Variants in KRT31 observed in about 807,000 individuals in gnomAD.
The protein encoded by KRT31 is keratin, type I cuticular Ha1.
In KRT31, 27 loss-of-function variants were observed where a neutral mutation model predicts 40.8. The observed-to-expected ratio is 0.66, with a 90% CI of 0.49 to 0.91. The LOEUF (loss-of-function observed/expected upper bound fraction) is 0.91. Ranked by LOEUF, KRT31 falls within the 40% of genes least tolerant of loss-of-function variation. The pLI, the probability that KRT31 is intolerant of heterozygous loss-of-function variation, is 0.00. For missense variants in KRT31, 510 were observed against 544.1 expected (o/e 0.94, Z 0.62); for synonymous variants, 231 against 231.9 (o/e 1.00, Z 0.03).
At chr17:41,396,859 C>G in intron 2 of KRT31, 54 bp downstream of exon 2, 1 of 1,418,892 alleles carries the variant, frequency 7.0e-7, no homozygotes, top group Non-Finnish European at 1.0e-6. Context: ...AATCCCTTTT[C>G]TTTAAAGATT....
rs1267085302 is a variant in KRT31 at position 41,393,986 on chromosome 17, C to T, written c.*30G>A. Reference sequence around the variant, plus strand: ...CACAGCTCTGGAGTCCTGGGCCCTGCATCCTTGCTCCTCTGGCATTCCCTA... The same window carrying T: ...CACAGCTCTGGAGTCCTGGGCCCTGTATCCTTGCTCCTCTGGCATTCCCTA... On this transcript the variant is annotated 3_prime_UTR_variant, in exon 7 of 7. Transcript: ENST00000251645. 6.2e-7 allele frequency: 1 copy of T among 1,608,472 alleles called. No individual in the cohort carries two copies. Among genetic ancestry groups the T allele is most frequent in the Admixed American group, 1.7e-5 (1 of 59,406 alleles).
Position 41,394,830 on chromosome 17 carries a change from G to A in KRT31, c.1097+18C>T, listed in dbSNP as rs112069991. The A allele has an allele frequency of 2.0e-4, 321 of 1,613,520 alleles. 2 individuals are homozygous for A. The African/African-American group carries it at 2.8e-3, about 14-fold the overall frequency. ...ACACGTGCATCATTTCATCAAACAC[G>A]TCTGCCCATGTACTCACTTGCAGTC... On this transcript the variant is annotated intron_variant, in intron 6 of 6. Coordinates refer to ENST00000251645, the MANE Select transcript of KRT31 (RefSeq NM_002277.3).
At chr17:41,395,920 A>G (rs1413182324) in intron 3 of KRT31, among the ~76,000 whole-genome samples, 2 of 151,684 alleles carry the variant, frequency 1.3e-5, no homozygotes, top group Non-Finnish European at 2.9e-5. Flanking sequence ...TCAGAATGCC[A>G]AAAAAAATAG....
intron 6 of KRT31, 134 bp downstream of exon 6, chr17:41,394,714 T>A: frequency 2.7e-6 from 4 of 1,467,862 alleles, no homozygotes; most frequent in Non-Finnish European, 3.7e-6. Flanking sequence ...CATATTATGT[T>A]GTCTGAGTTC....
Position 41,395,545 on chromosome 17 carries a change from GA to G in KRT31, c.666del (p.Arg223GlyfsTer3). ...EVDAAPTVDL[N>X]RVLNETRSQY... Reference sequence around the variant, plus strand: ...TGACTCCTGGTCTCGTTCAGCACCCGATTCAGGTCCACAGTGGGAGCAGCAT... The same window carrying G: ...TGACTCCTGGTCTCGTTCAGCACCCGTTCAGGTCCACAGTGGGAGCAGCAT... On this transcript the variant is annotated frameshift_variant, in exon 4 of 7. Transcript: ENST00000251645. LOFTEE classifies it high-confidence loss of function. 1 of 1,614,200 alleles carries G rather than the reference GA, an allele frequency of 6.2e-7. No homozygotes were observed. Among genetic ancestry groups the G allele is most frequent in the Non-Finnish European group, 8.5e-7 (1 of 1,180,030 alleles).
intron 3 of KRT31, 51 bp downstream of exon 3, chr17:41,396,369 C>A (rs1053132460): frequency 1.3e-6 from 2 of 1,578,188 alleles, no homozygotes; most frequent in African/African-American, 1.3e-5. Context: ...CTAAAGCAAC[C>A]CTGAGCCAGA....
intron 1 of KRT31, 37 bp from the exon 2 acceptor site, chr17:41,397,032 T>C (rs748376848): frequency 4.4e-6 from 7 of 1,589,662 alleles, no homozygotes; most frequent in Non-Finnish European, 4.3e-6. Context: ...GGACTGAAAA[T>C]AAATATGAAA....
rs1261129638 is a variant in KRT31 at position 41,396,426 on chromosome 17, AT to A, written c.581del (p.His194LeufsTer28). 6.2e-7 allele frequency: 1 copy of A among 1,613,740 alleles called. No individual in the cohort carries two copies. Among genetic ancestry groups the A allele is most frequent in the Admixed American group, 1.7e-5 (1 of 59,946 alleles). On this transcript the variant is annotated frameshift_variant, in exon 3 of 7. Transcript: ENST00000251645. LOFTEE classifies it high-confidence loss of function. ...KEELLCLKSN[H>X]EQEVNTLRCQ... ...TTCTCATTTCTAGTCTCACCTGCTC[AT>A]GGTTGCTCTTGAGGCAGAGCAGCTC... is the stretch of plus-strand genomic sequence containing the variant.
chr17:41,395,182 A>C, intron 5 of KRT31, 63 bp downstream of exon 5: 1 of 1,611,314 alleles, frequency 6.2e-7, no homozygotes. Flanking sequence ...GGCCCCAAGC[A>C]CATCCCCGGG....
chr17:41,397,304 C>G lies in KRT31; in HGVS notation c.236G>C (p.Arg79Pro), dbSNP rs762921339. Residue 79 changes from arginine (R) to proline (P), a missense_variant, in exon 1 of 7, where the codon CGG becomes CCG. Transcript: ENST00000251645. Reference protein sequence around the residue: ...SYLEKVRQLERDNAELENLIR... With the variant: ...SYLEKVRQLEPDNAELENLIR... ...GAGGTTCTCCAGCTCCGCGTTGTCCCGCTCCAGCTGACGCACTTTCTCCAG... is the reference window on the plus strand; with the variant it reads ...GAGGTTCTCCAGCTCCGCGTTGTCCGGCTCCAGCTGACGCACTTTCTCCAG... The G allele has an allele frequency of 3.1e-6, 5 of 1,614,058 alleles. No homozygotes were observed. The highest frequency in any genetic ancestry group is 4.2e-6 in the Non-Finnish European group (5 of 1,180,056).
At position 41,396,592 on chromosome 17, in the gene KRT31, G is replaced by T; in HGVS notation, c.432-16C>A. The stretch of plus-strand genomic sequence containing the variant: ...GGTCTGGTACCTGCGCAAGGACAGG[G>T]TCAGAGTACTACCTGGTAGATCTTC... On this transcript the variant is annotated splice_polypyrimidine_tract_variant and intron_variant, in intron 2 of 6. Transcript: ENST00000251645. 1.2e-6 allele frequency: 2 copies of T among 1,610,794 alleles called. No homozygotes were observed. The highest frequency in any genetic ancestry group is 1.7e-5 in the Admixed American group (1 of 59,716).
rs2018212663 is a variant in KRT31 at position 41,395,577 on chromosome 17, TC to T, written c.634del (p.Glu212ArgfsTer10). The T allele has an allele frequency of 1.2e-6, 2 of 1,614,208 alleles. No individual in the cohort carries two copies. The highest frequency in any genetic ancestry group is 4.5e-5 in the East Asian group (2 of 44,888). Reference sequence around the variant, plus strand: ...GTCCACAGTGGGAGCAGCATCCACCTCCACATTGAGGCGGTCTCCAAGCTGG... The same window carrying T: ...GTCCACAGTGGGAGCAGCATCCACCTCACATTGAGGCGGTCTCCAAGCTGG... ...RCQLGDRLNV[E>X]VDAAPTVDLN... On this transcript the variant is annotated frameshift_variant, in exon 4 of 7. Coordinates refer to ENST00000251645, the MANE Select transcript of KRT31 (RefSeq NM_002277.3). LOFTEE classifies it high-confidence loss of function.
intron 5 of KRT31, 58 bp downstream of exon 5, chr17:41,395,187 C>T: frequency 6.2e-7 from 1 of 1,611,768 alleles, no homozygotes; most frequent in Non-Finnish European, 8.5e-7. Flanking sequence ...CAAGCACATC[C>T]CCGGGACTCT....
rs890189029 is a variant in KRT31, at chr17:41,397,109, A to G, written c.348+83T>C. 6 of 1,584,314 alleles carry G rather than the reference A, an allele frequency of 3.8e-6. No individual in the cohort carries two copies. In the African/African-American group the frequency reaches 8.1e-5, roughly 21 times the overall value. On this transcript the variant is annotated intron_variant, in intron 1 of 6. Transcript: ENST00000251645. Reference sequence around the variant, plus strand: ...AAGAGGAAGCAAGAATTATGACAGCACAGAAGCAAGAAACACACTTCTCTA... The same window carrying G: ...AAGAGGAAGCAAGAATTATGACAGCGCAGAAGCAAGAAACACACTTCTCTA...
chr17:41,394,816 A>G (rs935561751), intron 6 of KRT31, 32 bp downstream of exon 6: 21 of 1,611,872 alleles, frequency 1.3e-5, no homozygotes, highest in Admixed American at 1.7e-5. Flanking sequence ...CACGTGCATC[A>G]TTTCATCAAA....
At position 41,395,480 on chromosome 17, in the gene KRT31, C is replaced by T. The variant is rs1404359209; in HGVS notation, c.732G>A (p.Glu244=). Residue 244 remains glutamate (E), a synonymous_variant, in exon 4 of 7, where the codon GAG becomes GAA. Transcript: ENST00000251645. Reference sequence around the variant, plus strand: ...TGCCCACCTGCGTGGTGAACCATTGCTCCACTTCCCTGCGGTTGGTTTCCA... The same window carrying T: ...TGCCCACCTGCGTGGTGAACCATTGTTCCACTTCCCTGCGGTTGGTTTCCA... ...ALVETNRREV[E]QWFTTQTEEL... 1.4e-5 allele frequency: 23 copies of T among 1,614,084 alleles called. No homozygotes were observed. The East Asian group carries it at 2.7e-4, about 19-fold the overall frequency.
chr17:41,394,789 TCTAA>T (rs768160718), intron 6 of KRT31, 55 bp downstream of exon 6: 121 of 1,603,770 alleles, frequency 7.5e-5, no homozygotes, highest in African/African-American at 7.5e-4. Context: ...TTGCATGGTG[TCTAA>T]CTGTTACACT....
Position 41,396,506 on chromosome 17 carries a change from C to T in KRT31, c.502G>A (p.Glu168Lys). ...DINGLRRILD[E>K]LTLCKSDLEA... Reference sequence around the variant, plus strand: ...AGGTCGGACTTGCACAGGGTCAGCTCATCCAGGATCCTGCGCAGACCGTTG... The same window carrying T: ...AGGTCGGACTTGCACAGGGTCAGCTTATCCAGGATCCTGCGCAGACCGTTG... The change falls in exon 3 of 7, where the codon GAG becomes AAG. Residue 168 changes from glutamate (E) to lysine (K), a missense_variant. Physicochemically the swap from Glu to Lys is moderately conservative, Grantham distance 56. Transcript: ENST00000251645. 1 of 1,614,210 alleles carries T rather than the reference C, an allele frequency of 6.2e-7. No homozygotes were observed. Among genetic ancestry groups the T allele is most frequent in the South Asian group, 1.1e-5 (1 of 91,084 alleles).
chr17:41,395,216 G>C (rs370933699), intron 5 of KRT31, 29 bp downstream of exon 5: 4 of 1,612,358 alleles, frequency 2.5e-6, no homozygotes, highest in Non-Finnish European at 3.4e-6. Context: ...AGTTCCCGTC[G>C]CTCACCAGCA....
Sources: gnomAD v4.1 joint callset for allele counts (sites outside exome capture counted in the v4.1 genomes callset) on GRCh38, gnomAD v4.1.1 for gene constraint, MANE v1.5 for transcripts, NCBI Gene and HGNC (gene_info 2026-07-23, HGNC 2026-07-21) for gene names.